Variants in SGO2 observed in about 807,000 individuals in gnomAD.
The protein encoded by SGO2 is shugoshin 2.
SGO2 carries 68 observed loss-of-function variants against 99.5 expected under a neutral mutation model. The observed-to-expected ratio is 0.68, with a 90% CI of 0.56 to 0.84. The LOEUF (loss-of-function observed/expected upper bound fraction) is 0.84. Among genes scored for constraint, SGO2 ranks in the 40% least tolerant of loss-of-function variants. The pLI is 0.00. For missense variants in SGO2, 1,350 were observed against 1,436.7 expected (o/e 0.94, Z 0.97); for synonymous variants, 457 against 487.1 (o/e 0.94, Z 0.81).
intron 1 of SGO2, chr2:200,532,293 T>G (rs1265015074): frequency 3.8e-6 from 2 of 522,018 alleles, no homozygotes; most frequent in African/African-American, 4.3e-5. Context: ...TGTTTTTTTT[T>G]TTTTTTCAGA....
At chr2:200,542,186 A>G (rs1395163827) in intron 4 of SGO2, among the ~76,000 whole-genome samples, 1 of 152,182 alleles carries the variant, frequency 6.6e-6, no homozygotes, top group African/African-American at 2.4e-5. Context: ...TAAAAGATAT[A>G]TTAAAATCAC....
intron 5 of SGO2, among the ~76,000 whole-genome samples, chr2:200,568,851 T>C (rs972511520): frequency 2.0e-5 from 3 of 152,282 alleles, no homozygotes; most frequent in Non-Finnish European, 4.4e-5. Flanking sequence ...GTCATTATGT[T>C]AGGTAGGGTT....
At chr2:200,532,442 C>G in intron 1 of SGO2, 1 of 984,692 alleles carries the variant, frequency 1.0e-6, no homozygotes, top group African/African-American at 1.7e-5. Flanking sequence ...CAGTTAATCG[C>G]TTCTCCTCTG....
rs542332464 is a variant in SGO2 at position 200,572,438 on chromosome 2, A to G, written c.2092A>G (p.Met698Val). The G allele has an allele frequency of 1.2e-6, 2 of 1,613,516 alleles. No individual in the cohort carries two copies. The highest frequency in any genetic ancestry group is 2.7e-5 in the African/African-American group (2 of 75,020). The change falls in exon 7 of 9, where the codon ATG (methionine) becomes GTG (valine). Residue 698 changes from methionine to valine, a missense_variant. Coordinates refer to ENST00000357799, the MANE Select transcript of SGO2 (RefSeq NM_152524.6). Reference protein sequence around the residue: ...VLGLQKQITNMYPVQQNESKV... With the variant: ...VLGLQKQITNVYPVQQNESKV... ...GGGTTTGCAAAAGCAGATCACCAAT[A>G]TGTACCCCGTTCAGCAAAATGAATC...
At chr2:200,558,741 T>TTA (rs1337050553) in intron 5 of SGO2, among the ~76,000 whole-genome samples, 49 of 151,496 alleles carry the variant, frequency 3.2e-4, no homozygotes, top group African/African-American at 1.2e-3. Flanking sequence ...TTTTTTTTTT[T>TTA]AATGTTTAGA....
At chr2:200,545,258 C>T (rs961283433) in intron 5 of SGO2, among the ~76,000 whole-genome samples, 21 of 152,176 alleles carry the variant, frequency 1.4e-4, no homozygotes, top group Non-Finnish European at 2.5e-4. Context: ...CTGCCCACCT[C>T]AACCTCGCAA....
chr2:200,530,992 A>T (rs1367726307), intron 1 of SGO2, among the ~76,000 whole-genome samples: 1 of 152,212 alleles, frequency 6.6e-6, no homozygotes, highest in Non-Finnish European at 1.5e-5. Context: ...AGTGGGAACA[A>T]AAGAGGGTTC....
chr2:200,569,727 A>G lies in SGO2; in HGVS notation c.538A>G (p.Ile180Val). Residue 180 changes from isoleucine (I) to valine (V), a missense_variant, in exon 6 of 9, where the codon ATT becomes GTT. By Grantham distance (29) the Ile-to-Val change is conservative. Transcript: ENST00000357799. ...DKEKMQCDNNIKSKTLPDIPS... is the reference protein window; with the variant it reads ...DKEKMQCDNNVKSKTLPDIPS... ...AGAGAAAATGCAGTGTGACAACAATATTAAATCAAAGACATTACCTGATAT... is the reference window on the plus strand; with the variant it reads ...AGAGAAAATGCAGTGTGACAACAATGTTAAATCAAAGACATTACCTGATAT... The G allele has an allele frequency of 1.2e-6, 2 of 1,613,144 alleles. No individual in the cohort carries two copies. The highest frequency in any genetic ancestry group is 1.7e-6 in the Non-Finnish European group (2 of 1,179,404).
At position 200,535,114 on chromosome 2, in the gene SGO2, A is replaced by G; in HGVS notation, c.252A>G (p.Lys84=). The change falls in exon 3 of 9, where the codon AAA becomes AAG. Residue 84 remains lysine, a synonymous_variant. Transcript: ENST00000357799. ...CAACTGAAAAGATGCTATTGCAAAA[A>G]GAAGTAGAGAAACTGAATTTTGAGA... The part of the protein sequence containing the change: ...RITTEKMLLQ[K]EVEKLNFENT... 1.9e-6 allele frequency: 3 copies of G among 1,547,152 alleles called. No homozygotes were observed. Among genetic ancestry groups the G allele is most frequent in the Non-Finnish European group, 2.6e-6 (3 of 1,156,920 alleles).
intron 5 of SGO2, among the ~76,000 whole-genome samples, chr2:200,568,001 T>C (rs2033256669): frequency 6.6e-6 from 1 of 152,236 alleles, no homozygotes; most frequent in Non-Finnish European, 1.5e-5. Context: ...GGTCATCTGG[T>C]AACTCCGTGT....
At chr2:200,562,150 G>T (rs2032998421) in intron 5 of SGO2, among the ~76,000 whole-genome samples, 1 of 151,796 alleles carries the variant, frequency 6.6e-6, no homozygotes, top group Non-Finnish European at 1.5e-5. Flanking sequence ...GGCCTGAATG[G>T]TATTGCCTAG....
intron 5 of SGO2, chr2:200,543,726 T>C (rs2032074022): frequency 6.6e-6 from 1 of 152,218 alleles, no homozygotes; most frequent in African/African-American, 2.4e-5. Context: ...AATTTTAAAA[T>C]AGTAAATTTT....
intron 4 of SGO2, 148 bp from the exon 5 acceptor site, chr2:200,542,431 A>T: frequency 1.9e-6 from 1 of 530,592 alleles, no homozygotes. Flanking sequence ...TTTTAACCTT[A>T]TTATCACATT....
At chr2:200,546,302 G>A (rs1414679700) in intron 5 of SGO2, among the ~76,000 whole-genome samples, 4 of 135,370 alleles carry the variant, frequency 3.0e-5, no homozygotes, top group East Asian at 2.2e-4. Flanking sequence ...GCAGTGAGCC[G>A]AGATCCTGCC....
chr2:200,541,738 T>C (rs1260912564), intron 4 of SGO2, among the ~76,000 whole-genome samples: 1 of 152,214 alleles, frequency 6.6e-6, no homozygotes, highest in African/African-American at 2.4e-5. Context: ...CCTTTTCTGA[T>C]GGTACTGCTG....
intron 1 of SGO2, among the ~76,000 whole-genome samples, chr2:200,531,545 G>A (rs1050516791): frequency 1.3e-5 from 2 of 152,042 alleles, no homozygotes; most frequent in Non-Finnish European, 1.5e-5. Context: ...AAGATGAAGG[G>A]AACATTCAGA....
At chr2:200,556,994 A>T (rs2032745408) in intron 5 of SGO2, among the ~76,000 whole-genome samples, 1 of 152,052 alleles carries the variant, frequency 6.6e-6, no homozygotes, top group African/African-American at 2.4e-5. Context: ...TTGTGAAAGG[A>T]TCTTTTCCAG....
intron 1 of SGO2, among the ~76,000 whole-genome samples, chr2:200,530,977 T>C (rs529947491): frequency 5.8e-4 from 88 of 152,224 alleles, no homozygotes; most frequent in African/African-American, 2.1e-3. Flanking sequence ...GTAGTCTGAG[T>C]ATGAAGTGGG....
At chr2:200,535,996 A>G in intron 3 of SGO2, 69 bp from the exon 4 acceptor site, 4 of 992,248 alleles carry the variant, frequency 4.0e-6, no homozygotes, top group Non-Finnish European at 5.9e-6. Flanking sequence ...TGGCATTCAT[A>G]AATGCCTGAT....
Sources: gnomAD v4.1 joint callset for allele counts (sites outside exome capture counted in the v4.1 genomes callset) on GRCh38, gnomAD v4.1.1 for gene constraint, MANE v1.5 for transcripts, NCBI Gene and HGNC (gene_info 2026-07-23, HGNC 2026-07-21) for gene names.